ZMAT4: variants seen among roughly 807,000 people sequenced by gnomAD.
ZMAT4 encodes zinc finger matrin-type 4.
In ZMAT4, 17 loss-of-function variants were observed where a neutral mutation model predicts 28.7. The ratio of observed to expected loss-of-function variants is 0.59; its 90% CI spans 0.41 to 0.89. ZMAT4 has a LOEUF of 0.89. Among genes scored for constraint, ZMAT4 ranks in the 40% least tolerant of loss-of-function variants. The pLI, the probability that ZMAT4 is intolerant of heterozygous loss-of-function variation, is 0.00. For synonymous variants in ZMAT4, 117 were observed against 109.2 expected, an observed-to-expected ratio of 1.07 and a Z score of -0.44; for missense variants, 240 against 283.8, an observed-to-expected ratio of 0.85 and a Z score of 1.11.
intron 5 of ZMAT4, among the ~76,000 whole-genome samples, chr8:40,610,149 C>G (rs2118651787): frequency 6.6e-6 from 1 of 152,286 alleles, no homozygotes; most frequent in East Asian, 1.9e-4. Context: ...TACAAAGAAT[C>G]CACAAATAGG....
intron 1 of ZMAT4, among the ~76,000 whole-genome samples, chr8:40,873,985 G>C (rs890004242): frequency 6.6e-6 from 1 of 152,064 alleles, no homozygotes; most frequent in African/African-American, 2.4e-5. Context: ...TTGAGATTAG[G>C]GAAAAGGGAA....
At chr8:40,754,137 A>C (rs1812573846) in intron 3 of ZMAT4, among the ~76,000 whole-genome samples, 2 of 151,792 alleles carry the variant, frequency 1.3e-5, no homozygotes, top group Admixed American at 1.3e-4. Flanking sequence ...ACGCCACTGC[A>C]CTCCAGCCTG....
At chr8:40,638,546 A>G (rs1806882377) in intron 5 of ZMAT4, among the ~76,000 whole-genome samples, 2 of 152,258 alleles carry the variant, frequency 1.3e-5, no homozygotes, top group Admixed American at 6.5e-5. Context: ...TGTGTTTGTT[A>G]TAAGGAACAG....
At chr8:40,680,701 T>TAC (rs71224844) in intron 4 of ZMAT4, among the ~76,000 whole-genome samples, 2,545 of 86,888 alleles carry the variant, frequency 0.029, 31 homozygotes, top group Admixed American at 0.043. Flanking sequence ...ATGTCTAATG[T>TAC]ACACACACAC....
At chr8:40,607,592 G>A (rs1423482695) in intron 5 of ZMAT4, among the ~76,000 whole-genome samples, 1 of 152,070 alleles carries the variant, frequency 6.6e-6, no homozygotes, top group Non-Finnish European at 1.5e-5. Flanking sequence ...TCTTGGGGAT[G>A]TTAAAGCACC....
intron 3 of ZMAT4, among the ~76,000 whole-genome samples, chr8:40,701,329 T>C (rs143725386): frequency 5.9e-5 from 9 of 152,182 alleles, no homozygotes; most frequent in African/African-American, 2.2e-4. Flanking sequence ...CAGGCAATTT[T>C]AGGTACCTGA....
intron 5 of ZMAT4, among the ~76,000 whole-genome samples, chr8:40,673,347 T>C (rs1808764880): frequency 6.6e-6 from 1 of 152,198 alleles, no homozygotes; most frequent in African/African-American, 2.4e-5. Flanking sequence ...CTAGAAATGT[T>C]CCAAGTCATT....
intron 4 of ZMAT4, among the ~76,000 whole-genome samples, chr8:40,696,700 C>T (rs182540784): frequency 6.6e-6 from 1 of 152,042 alleles, no homozygotes; most frequent in Admixed American, 6.6e-5. Context: ...TCACAGGATC[C>T]CCTGCAAAGA....
chr8:40,639,186 A>C (rs1043329847), intron 5 of ZMAT4, among the ~76,000 whole-genome samples: 4 of 152,188 alleles, frequency 2.6e-5, no homozygotes, highest in Non-Finnish European at 2.9e-5. Context: ...TCTTGCATTC[A>C]GCTTTGCTGG....
chr8:40,820,909 G>GTGTGTGTT (rs1554564149), intron 2 of ZMAT4, among the ~76,000 whole-genome samples: 4 of 146,004 alleles, frequency 2.7e-5, no homozygotes, highest in Non-Finnish European at 4.5e-5. Flanking sequence ...GTGTTTGTGT[G>GTGTGTGTT]TATGTGTGTG....
At chr8:40,684,292 G>A (rs1809305225) in intron 4 of ZMAT4, among the ~76,000 whole-genome samples, 1 of 152,152 alleles carries the variant, frequency 6.6e-6, no homozygotes, top group East Asian at 1.9e-4. Flanking sequence ...TCTGCTAACT[G>A]GGCACTGCTA....
At chr8:40,836,665 A>G (rs1325057308) in intron 1 of ZMAT4, among the ~76,000 whole-genome samples, 1 of 152,232 alleles carries the variant, frequency 6.6e-6, no homozygotes, top group Non-Finnish European at 1.5e-5. Flanking sequence ...CTGAAATGAA[A>G]ATATAGACAT....
Position 40,734,986 on chromosome 8 carries a change from T to G in ZMAT4, c.192+32655A>C, listed in dbSNP as rs978764219. 4.6e-5 allele frequency among the ~76,000 whole-genome samples: 7 copies of G among 152,326 alleles called. No homozygotes were observed. The East Asian group carries it at 1.4e-3, about 29-fold the overall frequency. On this transcript the variant is annotated intron_variant, in intron 3 of 6. Transcript: ENST00000297737. ...GCTGTTTGCTATTTCAGACTCTTTG[T>G]TGTGGGAACGCCTATGTCTAGATGA...
At chr8:40,634,586 T>C (rs1426520754) in intron 5 of ZMAT4, among the ~76,000 whole-genome samples, 1 of 152,214 alleles carries the variant, frequency 6.6e-6, no homozygotes, top group Non-Finnish European at 1.5e-5. Context: ...GCAGTTATCC[T>C]ACATGTAATT....
intron 6 of ZMAT4, among the ~76,000 whole-genome samples, chr8:40,558,224 G>T (rs897389505): frequency 2.6e-5 from 4 of 152,168 alleles, no homozygotes; most frequent in African/African-American, 9.7e-5. Flanking sequence ...CCAGCACGAA[G>T]AGTCCGAATC....
chr8:40,602,544 T>A (rs1340648948), intron 5 of ZMAT4, among the ~76,000 whole-genome samples: 1 of 152,162 alleles, frequency 6.6e-6, no homozygotes, highest in East Asian at 1.9e-4. Flanking sequence ...ATATTTTTTT[T>A]ATTTTTTGAT....
intron 5 of ZMAT4, among the ~76,000 whole-genome samples, chr8:40,624,071 G>T (rs6996313): frequency 0.34 from 51,913 of 151,962 alleles, 9,398 homozygotes; most frequent in African/African-American, 0.46. Flanking sequence ...GAATTGCAAG[G>T]GTATGTGTAT....
intron 5 of ZMAT4, among the ~76,000 whole-genome samples, chr8:40,634,080 G>C (rs553870874): frequency 1.3e-5 from 2 of 152,286 alleles, no homozygotes; most frequent in Admixed American, 1.3e-4. Context: ...CATTTTTGAA[G>C]AAGTGGTTGG....
rs529065163 is a variant in ZMAT4 at position 40,694,678 on chromosome 8, G to T, written c.349+2567C>A. On this transcript the variant is annotated intron_variant, in intron 4 of 6. Transcript: ENST00000297737. ...ATATCTCAAAATGAAGACCTGAGCA[G>T]CAGCCTCAGAAGTGAAGTTTTTCTC... 2.0e-3 allele frequency among the ~76,000 whole-genome samples: 311 copies of T among 152,268 alleles called. 4 individuals carry two copies. The highest frequency in any genetic ancestry group is 2.4e-3 in the Non-Finnish European group (160 of 68,036).
Sources: allele counts gnomAD v4.1 joint callset (sites outside exome capture counted in the v4.1 genomes callset), GRCh38; gene constraint gnomAD v4.1.1; transcripts MANE v1.5; gene names NCBI Gene and HGNC (gene_info 2026-07-23, HGNC 2026-07-21).